The following CABLES1 variants were observed in gnomAD, a reference collection of about 807,000 sequenced individuals.
CABLES1 encodes Cdk5 and Abl enzyme substrate 1, also known as CDK5 and ABL1 enzyme substrate 1.
In CABLES1, 36 loss-of-function variants were observed where a neutral mutation model predicts 57.8. The observed-to-expected ratio is 0.62, with a 90% CI of 0.48 to 0.82. The LOEUF (loss-of-function observed/expected upper bound fraction) is 0.82. Among genes scored for constraint, CABLES1 ranks in the 40% least tolerant of loss-of-function variants. The pLI, the probability that CABLES1 is intolerant of heterozygous loss-of-function variation, is 0.00. For synonymous variants in CABLES1, 374 were observed against 363.0 expected (o/e 1.03, Z -0.35); for missense variants, 767 against 836.6 (o/e 0.92, Z 1.03).
intron 1 of CABLES1, among the ~76,000 whole-genome samples, chr18:23,141,450 G>A (rs1030774227): frequency 3.3e-5 from 5 of 152,222 alleles, no homozygotes; most frequent in Non-Finnish European, 4.4e-5. Context: ...CAGGCAAGTC[G>A]CCAGTCTGTG....
chr18:23,155,223 T>C (rs557162766), intron 1 of CABLES1, among the ~76,000 whole-genome samples: 2 of 152,290 alleles, frequency 1.3e-5, no homozygotes, highest in African/African-American at 2.4e-5. Context: ...ATGAATAAGA[T>C]ACATGGAGGC....
At chr18:23,156,096 C>A in intron 1 of CABLES1, 1 of 931,198 alleles carries the variant, frequency 1.1e-6, no homozygotes, top group South Asian at 1.5e-5. Flanking sequence ...TGATGTGGGC[C>A]AGCAGCGGGG....
chr18:23,226,277 C>T (rs2047526685), intron 4 of CABLES1, among the ~76,000 whole-genome samples: 1 of 152,032 alleles, frequency 6.6e-6, no homozygotes, highest in Admixed American at 6.5e-5. Context: ...TGGCATGTGC[C>T]CGTAGTCCCA....
intron 1 of CABLES1, among the ~76,000 whole-genome samples, chr18:23,173,315 A>G (rs934219635): frequency 6.6e-6 from 1 of 152,192 alleles, no homozygotes; most frequent in Non-Finnish European, 1.5e-5. Context: ...TCTGTAACCC[A>G]CATTTGAAAG....
intron 9 of CABLES1, among the ~76,000 whole-genome samples, chr18:23,254,436 T>G (rs1194318466): frequency 6.6e-6 from 1 of 152,218 alleles, no homozygotes; most frequent in Non-Finnish European, 1.5e-5. Flanking sequence ...CATGAATGCC[T>G]GTTTTAGAAT....
chr18:23,249,329 G>A (rs932006737), intron 7 of CABLES1, among the ~76,000 whole-genome samples: 4 of 152,218 alleles, frequency 2.6e-5, no homozygotes, highest in Non-Finnish European at 5.9e-5. Context: ...GAATGGAGGC[G>A]AGTCCTGGGG....
intron 1 of CABLES1, among the ~76,000 whole-genome samples, chr18:23,139,512 G>T (rs75745702): frequency 0.029 from 4,455 of 151,520 alleles, 232 homozygotes; most frequent in African/African-American, 0.1. Flanking sequence ...ACAAATAATT[G>T]CTTGGACTTC....
At chr18:23,236,092 G>A (rs2047607583) in intron 6 of CABLES1, 41 bp downstream of exon 6, 4 of 1,602,150 alleles carry the variant, frequency 2.5e-6, no homozygotes, top group Admixed American at 1.7e-5. Context: ...CGTGGTGGGA[G>A]GGAGGTGCCT....
intron 3 of CABLES1, among the ~76,000 whole-genome samples, chr18:23,212,075 G>A (rs1297085752): frequency 6.6e-6 from 1 of 152,224 alleles, no homozygotes. Context: ...ATGCTACTCC[G>A]ATGTAGACAG....
intron 7 of CABLES1, among the ~76,000 whole-genome samples, chr18:23,242,547 T>C (rs2047762523): frequency 6.6e-6 from 1 of 152,182 alleles, no homozygotes; most frequent in Non-Finnish European, 1.5e-5. Flanking sequence ...TTTGTGTTTT[T>C]TTCCCCCTCT....
At chr18:23,194,357 T>C (rs771877991) in intron 2 of CABLES1, 91 bp from the exon 3 acceptor site, 96 of 773,456 alleles carry the variant, frequency 1.2e-4, no homozygotes, top group Non-Finnish European at 2.0e-4. Context: ...TCAAGCCATT[T>C]GTCTGGTCCT....
intron 3 of CABLES1, among the ~76,000 whole-genome samples, chr18:23,202,903 C>T (rs2047335770): frequency 6.6e-6 from 1 of 150,922 alleles, no homozygotes; most frequent in Admixed American, 6.6e-5. Flanking sequence ...AGGAGAATGG[C>T]GTGAACCCGG....
chr18:23,257,471 T>G lies in CABLES1; in HGVS notation c.*104T>G. The G allele has an allele frequency of 7.8e-7, 1 of 1,277,088 alleles. No homozygotes were observed. The highest frequency in any genetic ancestry group is 1.1e-6 in the Non-Finnish European group (1 of 944,152). 79.1% of individuals were successfully genotyped at this position (1,277,088 alleles called of 1,614,324 possible). ...AAAGTAGAACTCAGAATACCAGACTTTTCTTCCTCTCGACATAGTTTGGGG... is the reference window on the plus strand; with the variant it reads ...AAAGTAGAACTCAGAATACCAGACTGTTCTTCCTCTCGACATAGTTTGGGG... On this transcript the variant is annotated 3_prime_UTR_variant, in exon 10 of 10. Coordinates refer to ENST00000256925, the MANE Select transcript of CABLES1 (RefSeq NM_001100619.3).
intron 1 of CABLES1, 84 bp from the exon 2 acceptor site, chr18:23,188,754 T>C (rs2145016014): frequency 2.1e-6 from 2 of 957,588 alleles, no homozygotes; most frequent in South Asian, 1.3e-5. Flanking sequence ...TGTTTTTGTT[T>C]TAGGGTAGTT....
intron 3 of CABLES1, among the ~76,000 whole-genome samples, chr18:23,210,284 A>G (rs1472610444): frequency 6.6e-6 from 1 of 152,132 alleles, no homozygotes; most frequent in Non-Finnish European, 1.5e-5. Context: ...TGGTCATCTC[A>G]ACTCCAAGTA....
chr18:23,234,635 A>G lies in CABLES1; in HGVS notation c.1116A>G (p.Gln372=). The G allele has an allele frequency of 2.5e-6, 4 of 1,613,952 alleles. No individual in the cohort carries two copies. The highest frequency in any genetic ancestry group is 1.1e-5 in the South Asian group (1 of 91,078). The change falls in exon 5 of 10, where the codon CAA becomes CAG. Residue 372 remains glutamine, a synonymous_variant. Transcript: ENST00000256925. ...VGDLKLDGGR[Q]STGAVSLKEI... is the part of the protein sequence containing the mutation. The stretch of plus-strand genomic sequence containing the variant: ...ACTTGAAGTTGGACGGAGGAAGACA[A>G]TCAACTGGTGCAGTGAGTTTGAAAG...
At chr18:23,170,591 A>C (rs1404038050) in intron 1 of CABLES1, among the ~76,000 whole-genome samples, 1 of 152,200 alleles carries the variant, frequency 6.6e-6, no homozygotes, top group Non-Finnish European at 1.5e-5. Flanking sequence ...TGAACCCAGG[A>C]AAATGGGCTC....
chr18:23,135,575 GCGGCGCCCCCATCCCCAGCACCGA>G lies in CABLES1; in HGVS notation c.-187_-164del. ...CGAGGCGTGCGCGTGGGCCGGGGCGGCGGCGCCCCCATCCCCAGCACCGAGGGGCGAGCATGGCCCGCCCGCGGG... is the reference window on the plus strand; with the variant it reads ...CGAGGCGTGCGCGTGGGCCGGGGCGGGGGGCGAGCATGGCCCGCCCGCGGG... On this transcript the variant is annotated 5_prime_UTR_variant, in exon 1 of 10. Coordinates refer to ENST00000256925, the MANE Select transcript of CABLES1 (RefSeq NM_001100619.3). 4.6e-6 allele frequency: 1 copy of G among 216,858 alleles called. No homozygotes were observed. Among genetic ancestry groups the G allele is most frequent in the Non-Finnish European group, 7.8e-6 (1 of 128,034 alleles). 13.4% of individuals were successfully genotyped at this position (216,858 alleles called of 1,614,324 possible). A position where few individuals can be genotyped will look rare whatever the true frequency, so the allele number is the denominator to read the frequency against.
In CABLES1 at chr18:23,256,922, C is replaced by T. The variant is rs1296574927; in HGVS notation, c.1762-305C>T. Among the ~76,000 whole-genome samples the T allele has an allele frequency of 2.6e-5, 4 of 152,170 alleles. No homozygotes were observed. In the East Asian group the frequency reaches 5.8e-4, roughly 22 times the overall value. On this transcript the variant is annotated intron_variant, in intron 9 of 9. Coordinates refer to ENST00000256925, the MANE Select transcript of CABLES1 (RefSeq NM_001100619.3). Reference sequence around the variant, plus strand: ...CTAAGCTCTCTGACTTCTTGGAGCCCGTTTTCTCATCTGTAAAATAGAGAT... The same window carrying T: ...CTAAGCTCTCTGACTTCTTGGAGCCTGTTTTCTCATCTGTAAAATAGAGAT...
Sources: gnomAD v4.1 joint callset for allele counts (sites outside exome capture counted in the v4.1 genomes callset) on GRCh38, gnomAD v4.1.1 for gene constraint, MANE v1.5 for transcripts, NCBI Gene and HGNC (gene_info 2026-07-23, HGNC 2026-07-21) for gene names.